Variants in DGKB observed in about 807,000 individuals in gnomAD.
DGKB encodes 90 kDa diacylglycerol kinase.
Under a neutral mutation model 114.3 loss-of-function variants are expected in DGKB, and 67 were observed. The observed-to-expected ratio is 0.59, with a 90% CI of 0.48 to 0.72. The LOEUF (loss-of-function observed/expected upper bound fraction) is 0.72, where lower values mean the gene tolerates loss of function less well. Ranked by LOEUF, DGKB falls within the 30% of genes least tolerant of loss-of-function variation. The pLI, the probability that DGKB is intolerant of heterozygous loss-of-function variation, is 0.00. For synonymous variants in DGKB, 398 were observed against 323.1 expected (o/e 1.23, Z -2.49); for missense variants, 907 against 975.2 (o/e 0.93, Z 0.93).
chr7:14,414,474 TGG>T (rs2128750251), intron 21 of DGKB, among the ~76,000 whole-genome samples: 1 of 152,278 alleles, frequency 6.6e-6, no homozygotes, highest in South Asian at 2.1e-4. Context: ...GCACCGGGTT[TGG>T]TTTTGTCTGT....
At chr7:14,875,672 G>C (rs1241786212) in intron 1 of DGKB, among the ~76,000 whole-genome samples, 2 of 152,160 alleles carry the variant, frequency 1.3e-5, no homozygotes, top group African/African-American at 4.8e-5. Context: ...GCGTATTTGT[G>C]TGCCTGTGAC....
At chr7:14,951,061 G>A (rs1267469809) in intron 1 of DGKB, among the ~76,000 whole-genome samples, 1 of 151,896 alleles carries the variant, frequency 6.6e-6, no homozygotes, top group Non-Finnish European at 1.5e-5. Flanking sequence ...TTCATGATTA[G>A]TGGAAAAATC....
intron 10 of DGKB, 148 bp downstream of exon 10, chr7:14,685,097 C>T: frequency 2.3e-6 from 1 of 443,766 alleles, no homozygotes; most frequent in Non-Finnish European, 3.9e-6. Flanking sequence ...CCTAAATATT[C>T]AAAAACACAC....
At chr7:14,506,715 G>A (rs1313751982) in intron 20 of DGKB, among the ~76,000 whole-genome samples, 1 of 152,160 alleles carries the variant, frequency 6.6e-6, no homozygotes, top group Non-Finnish European at 1.5e-5. Flanking sequence ...TACTATAAGT[G>A]GGTGAATAGA....
chr7:14,929,327 G>A (rs1185947846), intron 1 of DGKB, among the ~76,000 whole-genome samples: 2 of 152,042 alleles, frequency 1.3e-5, no homozygotes, highest in African/African-American at 2.4e-5. Flanking sequence ...CATAGAGGTT[G>A]TACTAAAGTA....
chr7:14,524,866 T>C (rs1452596090), intron 20 of DGKB, among the ~76,000 whole-genome samples: 1 of 152,008 alleles, frequency 6.6e-6, no homozygotes, highest in Non-Finnish European at 1.5e-5. Flanking sequence ...TGAAAGATGG[T>C]CATATATCAT....
chr7:14,629,691 A>G (rs2128840934), intron 14 of DGKB, among the ~76,000 whole-genome samples: 1 of 152,206 alleles, frequency 6.6e-6, no homozygotes, highest in Admixed American at 6.6e-5. Context: ...GGCAATGCTT[A>G]CATTTGTTTT....
At position 14,150,577 on chromosome 7, in the gene DGKB, C is replaced by A. The variant is rs1046121238; in HGVS notation, c.2305-1339G>T. On this transcript the variant is annotated intron_variant, in intron 25 of 25. Coordinates refer to ENST00000402815, the MANE Select transcript of DGKB (RefSeq NM_001350709.2). Reference sequence around the variant, plus strand: ...GAAGGATTCAGTGTTCTCTTTCCTGCAAAAATAAATTGCACCTGTAAAAGG... The same window carrying A: ...GAAGGATTCAGTGTTCTCTTTCCTGAAAAAATAAATTGCACCTGTAAAAGG... 2.6e-5 allele frequency among the ~76,000 whole-genome samples: 4 copies of A among 152,128 alleles called. No individual in the cohort carries two copies. In the South Asian group the frequency reaches 6.2e-4, roughly 24 times the overall value.
intron 1 of DGKB, among the ~76,000 whole-genome samples, chr7:14,910,409 T>C (rs1783942420): frequency 6.6e-6 from 1 of 152,046 alleles, no homozygotes; most frequent in African/African-American, 2.4e-5. Flanking sequence ...ATTGAAAAGA[T>C]TTCTTCCAAA....
intron 21 of DGKB, among the ~76,000 whole-genome samples, chr7:14,459,792 T>A (rs1241148520): frequency 6.6e-6 from 1 of 151,942 alleles, no homozygotes; most frequent in African/African-American, 2.4e-5. Context: ...AGACACATAA[T>A]CTTCAGATTC....
At chr7:14,449,735 T>C (rs1831208895) in intron 21 of DGKB, among the ~76,000 whole-genome samples, 1 of 152,072 alleles carries the variant, frequency 6.6e-6, no homozygotes, top group Non-Finnish European at 1.5e-5. Flanking sequence ...ACATCTACAT[T>C]CCTTTAGAGT....
intron 13 of DGKB, among the ~76,000 whole-genome samples, chr7:14,646,076 T>G (rs1296185582): frequency 6.6e-6 from 1 of 152,160 alleles, no homozygotes; most frequent in Non-Finnish European, 1.5e-5. Flanking sequence ...GAGATTTGGC[T>G]GAATGGATTA....
intron 5 of DGKB, among the ~76,000 whole-genome samples, chr7:14,729,123 CTTTTTTTT>C (rs1162368398): frequency 8.8e-6 from 1 of 113,420 alleles, no homozygotes; most frequent in Admixed American, 9.6e-5. Flanking sequence ...CATTTTCTTT[CTTTTTTTT>C]TTTTTTTTTT....
At chr7:14,644,821 G>A (rs1812591645) in intron 13 of DGKB, among the ~76,000 whole-genome samples, 1 of 152,316 alleles carries the variant, frequency 6.6e-6, no homozygotes, top group East Asian at 1.9e-4. Context: ...TGTCTTGGGA[G>A]ATAAATAGAC....
intron 1 of DGKB, among the ~76,000 whole-genome samples, chr7:14,969,943 A>G (rs987832757): frequency 7.2e-5 from 11 of 152,196 alleles, no homozygotes; most frequent in Admixed American, 7.2e-4. Flanking sequence ...AGTCTAAGAC[A>G]TTGCTAGACT....
At chr7:14,451,450 CTCT>C (rs1359074533) in intron 21 of DGKB, among the ~76,000 whole-genome samples, 18 of 152,018 alleles carry the variant, frequency 1.2e-4, no homozygotes, top group Admixed American at 5.9e-4. Flanking sequence ...ATAGCATCAG[CTCT>C]CCTTGATCTC....
intron 14 of DGKB, among the ~76,000 whole-genome samples, chr7:14,629,095 G>T (rs995779036): frequency 1.3e-5 from 2 of 151,916 alleles, no homozygotes; most frequent in Non-Finnish European, 2.9e-5. Flanking sequence ...GCTTGATTGG[G>T]CTGGTAATCG....
intron 20 of DGKB, among the ~76,000 whole-genome samples, chr7:14,500,164 T>C (rs1785925550): frequency 6.6e-6 from 1 of 151,874 alleles, no homozygotes; most frequent in Admixed American, 6.6e-5. Flanking sequence ...TGTAAATCCA[T>C]GCTAACTTTT....
At chr7:14,436,490 C>G (rs116759808) in intron 21 of DGKB, among the ~76,000 whole-genome samples, 50,954 of 151,674 alleles carry the variant, frequency 0.34, 8,871 homozygotes, top group South Asian at 0.41. Flanking sequence ...GCATTTCTGA[C>G]CCCCTGGACA....
Sources: allele counts gnomAD v4.1 joint callset (sites outside exome capture counted in the v4.1 genomes callset), GRCh38; gene constraint gnomAD v4.1.1; transcripts MANE v1.5; gene names NCBI Gene and HGNC (gene_info 2026-07-23, HGNC 2026-07-21).